The following MSRA variants were observed in gnomAD, a reference collection of about 807,000 sequenced individuals.
MSRA encodes the protein mitochondrial peptide methionine sulfoxide reductase.
Under a neutral mutation model 31.3 loss-of-function variants are expected in MSRA, and 54 were observed. The ratio of observed to expected loss-of-function variants is 1.73; its 90% CI spans 1.39 to 2.17. MSRA has a LOEUF of 2.17. MSRA is among the 30% of genes most tolerant of loss of function. MSRA has a pLI of 0.00. For missense variants in MSRA, 507 were observed against 300.9 expected (o/e 1.69, Z -5.07); for synonymous variants, 169 against 116.5 (o/e 1.45, Z -2.90).
chr8:10,279,317 G>A lies in MSRA; in HGVS notation c.332-22217G>A, dbSNP rs563320395. Reference sequence around the variant, plus strand: ...GACTCTCCAGACATATGTAATGGGTGAAAATAGGGTGGAGTTTGGACATTG... The same window carrying A: ...GACTCTCCAGACATATGTAATGGGTAAAAATAGGGTGGAGTTTGGACATTG... On this transcript the variant is annotated intron_variant, in intron 3 of 5. Transcript: ENST00000317173. Among the ~76,000 whole-genome samples the A allele has an allele frequency of 5.3e-5, 8 of 152,300 alleles. 1 individual carries two copies. The South Asian group carries it at 1.7e-3, about 32-fold the overall frequency.
chr8:10,320,034 C>T (rs1801959933), intron 5 of MSRA, 45 bp downstream of exon 5: 1 of 1,318,178 alleles, frequency 7.6e-7, no homozygotes, highest in African/African-American at 1.5e-5. Flanking sequence ...GCCACCATGA[C>T]TAGGGCCAGG....
chr8:10,366,111 A>G (rs1373634279), intron 5 of MSRA, among the ~76,000 whole-genome samples: 1 of 152,208 alleles, frequency 6.6e-6, no homozygotes, highest in Non-Finnish European at 1.5e-5. Flanking sequence ...GGCCTGTCGA[A>G]AGGGAAGAGC....
chr8:10,308,731 C>A (rs1265105983), intron 4 of MSRA, among the ~76,000 whole-genome samples: 1 of 152,208 alleles, frequency 6.6e-6, no homozygotes, highest in Non-Finnish European at 1.5e-5. Flanking sequence ...TGTTCCATTC[C>A]TGGAAGACTT....
chr8:10,178,897 G>A (rs1806295964), intron 1 of MSRA, among the ~76,000 whole-genome samples: 1 of 152,072 alleles, frequency 6.6e-6, no homozygotes, highest in Non-Finnish European at 1.5e-5. Flanking sequence ...GCCCAGTGAA[G>A]GGATTCCTTC....
intron 5 of MSRA, among the ~76,000 whole-genome samples, chr8:10,392,961 C>CTGAGG (rs1359075717): frequency 6.9e-6 from 1 of 145,644 alleles, no homozygotes; most frequent in Non-Finnish European, 1.5e-5. Flanking sequence ...ACTCGGCAGG[C>CTGAGG]TGAGGCAGGA....
chr8:10,411,086 C>G (rs1808131449), intron 5 of MSRA: 1 of 152,114 alleles, frequency 6.6e-6, no homozygotes, highest in Non-Finnish European at 1.5e-5. Flanking sequence ...ACCCCTCCAT[C>G]TGACCTCCAC....
chr8:10,372,519 CAG>C (rs773184827), intron 5 of MSRA, among the ~76,000 whole-genome samples: 1 of 152,156 alleles, frequency 6.6e-6, no homozygotes, highest in Non-Finnish European at 1.5e-5. Context: ...AATGAAATCT[CAG>C]AGAGTCTCAC....
intron 1 of MSRA, among the ~76,000 whole-genome samples, chr8:10,205,563 C>G (rs1180577379): frequency 6.6e-6 from 1 of 152,104 alleles, no homozygotes; most frequent in African/African-American, 2.4e-5. Flanking sequence ...TCAGCTGGGC[C>G]ATCGACAGAC....
At chr8:10,209,063 A>G (rs960813390) in intron 2 of MSRA, among the ~76,000 whole-genome samples, 5 of 152,346 alleles carry the variant, frequency 3.3e-5, no homozygotes, top group Middle Eastern at 3.4e-3. Context: ...TGCTCTGTGT[A>G]GGCTATCACC....
chr8:10,151,884 C>G (rs1438107443), intron 1 of MSRA, among the ~76,000 whole-genome samples: 1 of 152,172 alleles, frequency 6.6e-6, no homozygotes, highest in East Asian at 1.9e-4. Context: ...TAAAAGGTTA[C>G]CTGGCCTTTT....
At chr8:10,328,054 G>GTTTTTC (rs1563356091) in intron 5 of MSRA, among the ~76,000 whole-genome samples, 1 of 58,946 alleles carries the variant, frequency 1.7e-5, no homozygotes, top group Non-Finnish European at 2.9e-5. Flanking sequence ...TTTTTTTTTA[G>GTTTTTC]TATCAGTGAC....
At chr8:10,358,564 T>G (rs1804647900) in intron 5 of MSRA, among the ~76,000 whole-genome samples, 1 of 99,320 alleles carries the variant, frequency 1.0e-5, no homozygotes. Context: ...AGCATTAGAT[T>G]CTTTTTTTTT....
At chr8:10,312,133 A>G (rs1801466144) in intron 4 of MSRA, among the ~76,000 whole-genome samples, 1 of 152,210 alleles carries the variant, frequency 6.6e-6, no homozygotes. Context: ...AAAATCAGCA[A>G]CAAATTCAAC....
intron 1 of MSRA, among the ~76,000 whole-genome samples, chr8:10,196,862 G>T (rs554175414): frequency 6.6e-6 from 1 of 152,192 alleles, no homozygotes; most frequent in African/African-American, 2.4e-5. Flanking sequence ...ATGAGCCACT[G>T]TACCTGGCCA....
intron 5 of MSRA, among the ~76,000 whole-genome samples, chr8:10,401,861 CAT>C (rs1807487102): frequency 1.3e-5 from 2 of 152,002 alleles, no homozygotes; most frequent in Admixed American, 6.6e-5. Context: ...TAGTCAAATT[CAT>C]AGAGATAGAA....
At chr8:10,321,741 G>A (rs1802054099) in intron 5 of MSRA, among the ~76,000 whole-genome samples, 2 of 152,178 alleles carry the variant, frequency 1.3e-5, no homozygotes, top group Non-Finnish European at 2.9e-5. Flanking sequence ...GCAGCCCTGT[G>A]CAGAGGCTTA....
intron 1 of MSRA, among the ~76,000 whole-genome samples, chr8:10,109,140 T>G (rs1261915376): frequency 6.6e-6 from 1 of 152,164 alleles, no homozygotes; most frequent in African/African-American, 2.4e-5. Flanking sequence ...AAAACACAAA[T>G]TAAGTCCAGG....
intron 4 of MSRA, among the ~76,000 whole-genome samples, chr8:10,313,311 T>A (rs557816899): frequency 2.0e-4 from 31 of 152,340 alleles, no homozygotes; most frequent in African/African-American, 7.0e-4. Context: ...CCTAGGCCCC[T>A]GAAGAGTTCA....
chr8:10,237,190 T>C (rs1225081602), intron 2 of MSRA, among the ~76,000 whole-genome samples: 10 of 152,242 alleles, frequency 6.6e-5, no homozygotes, highest in Admixed American at 6.5e-4. Context: ...GAAACAATAC[T>C]GAAGTTGTTT....
Sources: gnomAD v4.1 joint callset for allele counts (sites outside exome capture counted in the v4.1 genomes callset) on GRCh38, gnomAD v4.1.1 for gene constraint, MANE v1.5 for transcripts, NCBI Gene and HGNC (gene_info 2026-07-23, HGNC 2026-07-21) for gene names.